Variants in PLCH2 observed in about 807,000 individuals in gnomAD.
PLCH2 encodes 1-phosphatidylinositol 4,5-bisphosphate phosphodiesterase eta-2.
Under a neutral mutation model 134.7 loss-of-function variants are expected in PLCH2, and 98 were observed. The observed-to-expected ratio is 0.73, with a 90% CI of 0.62 to 0.86. PLCH2 has a LOEUF of 0.86. Ranked by LOEUF, PLCH2 falls within the 40% of genes least tolerant of loss-of-function variation. PLCH2 has a pLI of 0.00. For missense variants in PLCH2, 1,994 were observed against 1,986.6 expected (o/e 1.00, Z -0.07); for synonymous variants, 974 against 827.5 (o/e 1.18, Z -3.04).
At chr1:2,437,674 C>A (rs1000715659) in intron 2 of PLCH2, among the ~76,000 whole-genome samples, 2 of 152,228 alleles carry the variant, frequency 1.3e-5, no homozygotes, top group Admixed American at 6.5e-5. Flanking sequence ...TAGGGACAGG[C>A]AATACACACA....
chr1:2,456,559 G>A (rs1434716620), intron 2 of PLCH2, among the ~76,000 whole-genome samples: 1 of 152,232 alleles, frequency 6.6e-6, no homozygotes, highest in African/African-American at 2.4e-5. Context: ...CTCGTCCTGT[G>A]CAGCCCCCGC....
At chr1:2,499,425 C>T (rs530572237) in intron 19 of PLCH2, among the ~76,000 whole-genome samples, 195 bp downstream of exon 19, 34 of 152,174 alleles carry the variant, frequency 2.2e-4, no homozygotes, top group African/African-American at 7.7e-4. Context: ...GGGGGAGGGG[C>T]CACCCCCAGG....
intron 1 of PLCH2, among the ~76,000 whole-genome samples, chr1:2,468,131 C>T (rs1389730882): frequency 6.6e-6 from 1 of 152,168 alleles, no homozygotes; most frequent in African/African-American, 2.4e-5. Context: ...GCTCTGGGGG[C>T]TCTCCTGGCC....
At position 2,496,943 on chromosome 1, in the gene PLCH2, C is replaced by G; in HGVS notation, c.2049C>G (p.Pro683=). 1 of 1,613,372 alleles carries G rather than the reference C, an allele frequency of 6.2e-7. No homozygotes were observed. The highest frequency in any genetic ancestry group is 1.1e-5 in the South Asian group (1 of 91,086). The change falls in exon 15 of 22, where the codon CCC becomes CCG. Residue 683 remains proline, a synonymous_variant. Transcript: ENST00000378486. The part of the protein sequence containing the change: ...FNQQQLSRIY[P]SSYRVDSSNY... ...AGCAGCAGCTCTCCCGCATCTACCCCTCCTCCTACCGTGTGGACTCCAGCA... is the reference window on the plus strand; with the variant it reads ...AGCAGCAGCTCTCCCGCATCTACCCGTCCTCCTACCGTGTGGACTCCAGCA...
At chr1:2,460,663 C>T (rs901820332) in intron 2 of PLCH2, among the ~76,000 whole-genome samples, 1 of 152,178 alleles carries the variant, frequency 6.6e-6, no homozygotes, top group Non-Finnish European at 1.5e-5. Flanking sequence ...CTGGGCTGCT[C>T]GGGCCTGATG....
At chr1:2,461,217 G>C (rs1242875797) in intron 2 of PLCH2, among the ~76,000 whole-genome samples, 1 of 152,206 alleles carries the variant, frequency 6.6e-6, no homozygotes, top group Non-Finnish European at 1.5e-5. Flanking sequence ...ATGTAGGTCA[G>C]GCTGTTGCAG....
At chr1:2,494,983 G>C (rs1213779296) in intron 12 of PLCH2, 35 bp downstream of exon 12, 2 of 1,441,552 alleles carry the variant, frequency 1.4e-6, no homozygotes, top group Admixed American at 3.8e-5. Flanking sequence ...GTCCCGGTCT[G>C]GGCCCAGTGT....
upstream of PLCH2, among the ~76,000 whole-genome samples, chr1:2,424,253 C>T (rs191255206): frequency 3.3e-5 from 5 of 152,148 alleles, no homozygotes; most frequent in South Asian, 2.1e-4. Context: ...TTGAAATGCA[C>T]GAAACTCTAT....
chr1:2,499,783 GCCCC>G, intron 20 of PLCH2, 63 bp downstream of exon 20: 1 of 1,281,192 alleles, frequency 7.8e-7, no homozygotes, highest in South Asian at 1.3e-5. Context: ...CTTGTCCCAT[GCCCC>G]CCCATGTGTC....
intron 11 of PLCH2, chr1:2,492,348 T>C (rs1467836443): frequency 6.6e-6 from 1 of 152,232 alleles, no homozygotes; most frequent in African/African-American, 2.4e-5. Context: ...CCTTTATTTT[T>C]ATCCCAAGGT....
chr1:2,502,945 C>A, intron 21 of PLCH2: 1 of 717,220 alleles, frequency 1.4e-6, no homozygotes, highest in Non-Finnish European at 2.6e-6. Context: ...TCCTCCCGCA[C>A]GCCCCTGGCA....
At chr1:2,473,959 C>T (rs949283944), upstream of PLCH2, among the ~76,000 whole-genome samples, 12 of 152,248 alleles carry the variant, frequency 7.9e-5, no homozygotes, top group Non-Finnish European at 1.2e-4. Flanking sequence ...GGGGCCGAGG[C>T]GGCCTGGGGG....
chr1:2,489,954 A>C, intron 10 of PLCH2, 87 bp downstream of exon 10: 1 of 989,564 alleles, frequency 1.0e-6, no homozygotes, highest in Non-Finnish European at 1.6e-6. Context: ...GGCGAGTTAG[A>C]AAGGGAGGCA....
At chr1:2,425,266 C>T (rs943648908), upstream of PLCH2, among the ~76,000 whole-genome samples, 9 of 143,518 alleles carry the variant, frequency 6.3e-5, no homozygotes, top group Non-Finnish European at 1.0e-4. Flanking sequence ...TACATACACA[C>T]ATATACACAC....
intron 1 of PLCH2, 76 bp from the exon 2 acceptor site, chr1:2,478,400 C>T (rs1641757293): frequency 6.4e-7 from 1 of 1,550,956 alleles, no homozygotes; most frequent in Non-Finnish European, 8.8e-7. Context: ...AGTGGCCGTG[C>T]CTCCGCTGAC....
chr1:2,476,445 G>A lies in PLCH2; in HGVS notation c.-144G>A, dbSNP rs1206005504. 2.5e-6 allele frequency: 2 copies of A among 784,592 alleles called. No individual in the cohort carries two copies. Among genetic ancestry groups the A allele is most frequent in the Admixed American group, 3.2e-5 (1 of 30,980 alleles). 48.6% of individuals were successfully genotyped at this position (784,592 alleles called of 1,614,324 possible). On this transcript the variant is annotated 5_prime_UTR_variant, in exon 1 of 22. Transcript: ENST00000378486. ...CACAGCCCTGTGGGGGCTTCGGAGG[G>A]CCCTGAGGAGGAGGAGGAAGAGGCA...
chr1:2,469,403 G>T (rs1043476381), intron 1 of PLCH2, among the ~76,000 whole-genome samples: 1 of 152,238 alleles, frequency 6.6e-6, no homozygotes, highest in South Asian at 2.1e-4. Context: ...CAGCAGAACA[G>T]TCCTTACAGA....
intron 5 of PLCH2, 24 bp from the exon 6 acceptor site, chr1:2,486,883 A>T: frequency 6.3e-7 from 1 of 1,575,692 alleles, no homozygotes; most frequent in East Asian, 2.3e-5. Context: ...GGCTGCCTGG[A>T]CTCATGCCCC....
exon 1 of PLCH2, chr1:2,467,488 G>C (rs887523971): frequency 8.8e-5 from 35 of 395,558 alleles, no homozygotes; most frequent in Non-Finnish European, 1.4e-4. Flanking sequence ...GCAGCGTGTG[G>C]GGCTGCGATC....
Sources: gnomAD v4.1 joint callset for allele counts (sites outside exome capture counted in the v4.1 genomes callset) on GRCh38, gnomAD v4.1.1 for gene constraint, MANE v1.5 for transcripts, NCBI Gene and HGNC (gene_info 2026-07-23, HGNC 2026-07-21) for gene names.